The following KCND3 variants were observed in gnomAD, a reference collection of about 807,000 sequenced individuals.
KCND3 encodes the protein potassium voltage-gated channel subfamily D member 3, also known as A-type voltage-gated potassium channel KCND3.
KCND3 carries 9 observed loss-of-function variants against 51.1 expected under a neutral mutation model. The observed-to-expected ratio is 0.18, with a 90% CI of 0.11 to 0.31. The LOEUF (loss-of-function observed/expected upper bound fraction) is 0.31. Ranked by LOEUF, KCND3 falls within the 10% of genes least tolerant of loss-of-function variation. The probability of loss-of-function intolerance (pLI) is 1.00; values close to 1 mark genes in which losing one functional copy is unlikely to be tolerated. For missense variants in KCND3, 526 were observed against 903.8 expected, an observed-to-expected ratio of 0.58 and a Z score of 5.36; for synonymous variants, 349 against 368.0, an observed-to-expected ratio of 0.95 and a Z score of 0.59.
intron 2 of KCND3, among the ~76,000 whole-genome samples, chr1:111,878,376 G>C (rs928995953): frequency 6.6e-6 from 1 of 152,224 alleles, no homozygotes; most frequent in African/African-American, 2.4e-5. Flanking sequence ...GAGTACAGGG[G>C]AGACATGGGG....
intron 1 of KCND3, among the ~76,000 whole-genome samples, chr1:111,984,295 G>A (rs923363436): frequency 3.3e-5 from 5 of 152,156 alleles, no homozygotes; most frequent in African/African-American, 4.8e-5. Flanking sequence ...CTCCTGAGCT[G>A]CCACTGGACT....
At chr1:111,858,358 T>A (rs1217500420) in intron 2 of KCND3, among the ~76,000 whole-genome samples, 1 of 152,238 alleles carries the variant, frequency 6.6e-6, no homozygotes, top group Non-Finnish European at 1.5e-5. Context: ...CAACCTATCC[T>A]GAGCCAAAGT....
chr1:111,893,855 C>G (rs940019239), intron 2 of KCND3, among the ~76,000 whole-genome samples: 2 of 152,120 alleles, frequency 1.3e-5, no homozygotes, highest in Non-Finnish European at 2.9e-5. Flanking sequence ...AGATAAGAAC[C>G]AAGAGCTTCA....
chr1:111,943,023 C>T (rs961650538), intron 2 of KCND3, among the ~76,000 whole-genome samples: 1 of 152,022 alleles, frequency 6.6e-6, no homozygotes, highest in South Asian at 2.1e-4. Context: ...GGAGGAGGCA[C>T]TCATGGGGAC....
At chr1:111,919,607 T>C (rs1671383910) in intron 2 of KCND3, among the ~76,000 whole-genome samples, 1 of 152,176 alleles carries the variant, frequency 6.6e-6, no homozygotes. Context: ...GATTTTATTC[T>C]AAGTACCTCA....
chr1:111,902,803 A>C (rs139211444), intron 2 of KCND3, among the ~76,000 whole-genome samples: 117 of 152,350 alleles, frequency 7.7e-4, no homozygotes, highest in African/African-American at 2.8e-3. Flanking sequence ...CAAGTACCTA[A>C]TACTGTGCCT....
chr1:111,837,009 T>C (rs1402722675), intron 2 of KCND3, among the ~76,000 whole-genome samples: 1 of 152,246 alleles, frequency 6.6e-6, no homozygotes, highest in Admixed American at 6.5e-5. Flanking sequence ...TTAGTTTTAA[T>C]ACCAACATAT....
At chr1:111,965,438 CCACACACACACACACACACACA>C (rs56156826) in intron 2 of KCND3, among the ~76,000 whole-genome samples, 3 of 72,366 alleles carry the variant, frequency 4.1e-5, no homozygotes, top group East Asian at 5.8e-4. Flanking sequence ...GCCAGCAAAA[CCACACACACACACACACACACA>C]CACACACACA....
At chr1:111,828,954 G>GCTTTCTGC (rs1376473211) in intron 2 of KCND3, among the ~76,000 whole-genome samples, 1 of 152,160 alleles carries the variant, frequency 6.6e-6, no homozygotes, top group Non-Finnish European at 1.5e-5. Flanking sequence ...TCTGGTCCTG[G>GCTTTCTGC]CTTTCTGCCT....
intron 2 of KCND3, among the ~76,000 whole-genome samples, chr1:111,820,243 A>T (rs1341425138): frequency 2.0e-5 from 3 of 152,156 alleles, no homozygotes; most frequent in Non-Finnish European, 2.9e-5. Flanking sequence ...ACTTCCTGGA[A>T]TTCCCCCCTG....
intron 2 of KCND3, among the ~76,000 whole-genome samples, chr1:111,869,715 C>G (rs1202252125): frequency 6.6e-6 from 1 of 152,198 alleles, no homozygotes. Flanking sequence ...CCTGCTTTCA[C>G]AGATGAGGAA....
At chr1:111,843,342 C>T (rs1667412828) in intron 2 of KCND3, among the ~76,000 whole-genome samples, 1 of 152,256 alleles carries the variant, frequency 6.6e-6, no homozygotes, top group Non-Finnish European at 1.5e-5. Flanking sequence ...ATGGAGAGGG[C>T]TGCATTCCCT....
At chr1:111,806,969 A>T (rs977164186) in intron 2 of KCND3, among the ~76,000 whole-genome samples, 1 of 152,192 alleles carries the variant, frequency 6.6e-6, no homozygotes, top group Non-Finnish European at 1.5e-5. Context: ...TGCAGCCTTG[A>T]ATTTGGATTA....
intron 2 of KCND3, among the ~76,000 whole-genome samples, chr1:111,864,800 G>C (rs1177012889): frequency 6.6e-6 from 1 of 152,170 alleles, no homozygotes; most frequent in East Asian, 1.9e-4. Context: ...AGAGCAGAAG[G>C]AAAGAACAGA....
rs147310368 is a variant in KCND3, at chr1:111,856,569, C to A, written c.1107-69463G>T. ...TCTCTCAGCCTCCCTCAGGCCAGAC[C>A]CCCCCTTGCACATGGTGGATCCTGA... On this transcript the variant is annotated intron_variant, in intron 2 of 7. Coordinates refer to ENST00000302127, the MANE Select transcript of KCND3 (RefSeq NM_001378969.1). 4.8e-3 allele frequency among the ~76,000 whole-genome samples: 725 copies of A among 152,308 alleles called. 6 individuals carry two copies. The highest frequency in any genetic ancestry group is 0.017 in the African/African-American group (700 of 41,562).
At chr1:111,822,855 A>G (rs1005444910) in intron 2 of KCND3, among the ~76,000 whole-genome samples, 7 of 152,208 alleles carry the variant, frequency 4.6e-5, no homozygotes, top group African/African-American at 1.2e-4. Flanking sequence ...ACAAACAAAC[A>G]AAAACAACCT....
intron 2 of KCND3, among the ~76,000 whole-genome samples, chr1:111,839,638 T>C (rs1029147410): frequency 2.6e-5 from 4 of 152,236 alleles, no homozygotes; most frequent in African/African-American, 9.6e-5. Flanking sequence ...ATGGCTAATA[T>C]GTATTGAACC....
chr1:111,809,045 A>G (rs1390641930), intron 2 of KCND3, among the ~76,000 whole-genome samples: 1 of 152,194 alleles, frequency 6.6e-6, no homozygotes, highest in East Asian at 1.9e-4. Flanking sequence ...CCTGAAGTGT[A>G]AGGGAGAAGG....
At chr1:111,964,281 T>C (rs1036777430) in intron 2 of KCND3, among the ~76,000 whole-genome samples, 1 of 152,184 alleles carries the variant, frequency 6.6e-6, no homozygotes, top group Non-Finnish European at 1.5e-5. Context: ...GCTGGGACGC[T>C]GAGAGCAGTA....
Sources: allele counts gnomAD v4.1 joint callset (sites outside exome capture counted in the v4.1 genomes callset), GRCh38; gene constraint gnomAD v4.1.1; transcripts MANE v1.5; gene names NCBI Gene and HGNC (gene_info 2026-07-23, HGNC 2026-07-21).